The following CNTN5 variants were observed in gnomAD, a reference collection of about 807,000 sequenced individuals.
The protein encoded by CNTN5 is contactin-5.
Under a neutral mutation model 129.1 loss-of-function variants are expected in CNTN5, and 77 were observed. The ratio of observed to expected loss-of-function variants is 0.60; its 90% CI spans 0.50 to 0.72. CNTN5 has a LOEUF of 0.72. CNTN5 is among the 30% of genes least tolerant of loss of function. The pLI is 0.00. For missense variants in CNTN5, 1,478 were observed against 1,328.8 expected (o/e 1.11, Z -1.75); for synonymous variants, 509 against 465.6 (o/e 1.09, Z -1.20).
In CNTN5 at chr11:100,305,157, G is replaced by A. The variant is rs541402346; in HGVS notation, c.2621-3202G>A. Among the ~76,000 whole-genome samples the A allele has an allele frequency of 1.2e-4, 18 of 151,644 alleles. No individual in the cohort carries two copies. The South Asian group carries it at 3.1e-3, about 26-fold the overall frequency. ...TTTAAAAACAGAGGAAAGAGCATTT[G>A]AGACCCAAGTTCTAGCTTTTTCACA... is the stretch of plus-strand genomic sequence containing the variant. On this transcript the variant is annotated intron_variant, in intron 20 of 24. Coordinates refer to ENST00000524871, the MANE Select transcript of CNTN5 (RefSeq NM_014361.4).
intron 1 of CNTN5, among the ~76,000 whole-genome samples, chr11:99,224,477 G>A (rs1223859839): frequency 6.6e-6 from 1 of 151,972 alleles, no homozygotes; most frequent in Non-Finnish European, 1.5e-5. Flanking sequence ...AGTAACTTAA[G>A]TGACACTTCA....
intron 1 of CNTN5, among the ~76,000 whole-genome samples, chr11:99,319,690 A>T (rs1565488102): frequency 6.6e-6 from 1 of 152,136 alleles, no homozygotes; most frequent in Non-Finnish European, 1.5e-5. Flanking sequence ...CAGTATGTAA[A>T]TTTTTTAAAT....
chr11:99,173,848 T>C (rs945629464), intron 1 of CNTN5, among the ~76,000 whole-genome samples: 1 of 152,228 alleles, frequency 6.6e-6, no homozygotes, highest in African/African-American at 2.4e-5. Context: ...TAGGCTATTA[T>C]GGCAGCCCAG....
At chr11:99,754,704 T>C (rs1425683109) in intron 3 of CNTN5, among the ~76,000 whole-genome samples, 1 of 152,170 alleles carries the variant, frequency 6.6e-6, no homozygotes, top group Non-Finnish European at 1.5e-5. Context: ...CTCCCTATCA[T>C]TGACATCCCT....
At chr11:99,296,980 C>T (rs1864415330) in intron 1 of CNTN5, among the ~76,000 whole-genome samples, 1 of 152,110 alleles carries the variant, frequency 6.6e-6, no homozygotes, top group Non-Finnish European at 1.5e-5. Flanking sequence ...GGAATTGAAC[C>T]ATCAGTGTGA....
At chr11:99,182,622 A>G (rs1238542852) in intron 1 of CNTN5, among the ~76,000 whole-genome samples, 1 of 152,128 alleles carries the variant, frequency 6.6e-6, no homozygotes, top group Non-Finnish European at 1.5e-5. Context: ...TCCTCTGGGC[A>G]TCATCCAAGA....
At chr11:99,793,547 G>A (rs771971059) in intron 3 of CNTN5, among the ~76,000 whole-genome samples, 9 of 152,010 alleles carry the variant, frequency 5.9e-5, no homozygotes, top group Non-Finnish European at 1.0e-4. Flanking sequence ...AATTTTTCAG[G>A]GATGTGTTTC....
At chr11:100,269,651 C>A (rs532162427) in intron 17 of CNTN5, among the ~76,000 whole-genome samples, 1 of 152,070 alleles carries the variant, frequency 6.6e-6, no homozygotes, top group African/African-American at 2.4e-5. Flanking sequence ...GGGGATTTTG[C>A]TAATGACAGA....
At chr11:99,869,231 G>T (rs1948437120) in intron 6 of CNTN5, among the ~76,000 whole-genome samples, 1 of 152,138 alleles carries the variant, frequency 6.6e-6, no homozygotes, top group African/African-American at 2.4e-5. Flanking sequence ...ACCTGGGCCT[G>T]TGAATTTGGT....
rs189132720 is a variant in CNTN5 at position 99,656,913 on chromosome 11, G to A, written c.55+100644G>A. Among the ~76,000 whole-genome samples, 339 of 150,194 alleles carry A rather than the reference G, an allele frequency of 2.3e-3. 1 individual carries two copies. Among genetic ancestry groups the A allele is most frequent in the African/African-American group, 7.5e-3 (309 of 40,942 alleles). On this transcript the variant is annotated intron_variant, in intron 3 of 24. Coordinates refer to ENST00000524871, the MANE Select transcript of CNTN5 (RefSeq NM_014361.4). The stretch of plus-strand genomic sequence containing the variant: ...GTAGAAAACCCCTGTAGAAGTACAG[G>A]AGTTCAGTATCTAATTTAACCCAGA...
At chr11:99,226,121 G>A (rs1860671386) in intron 1 of CNTN5, among the ~76,000 whole-genome samples, 2 of 152,160 alleles carry the variant, frequency 1.3e-5, no homozygotes, top group African/African-American at 4.8e-5. Context: ...TGGGTAGAAT[G>A]TCTTAAGTGG....
In CNTN5 at chr11:99,031,882, C is replaced by G. The variant is rs1202968020; in HGVS notation, c.-210+10612C>G. The stretch of plus-strand genomic sequence containing the variant: ...CTGCACCCATTAACTCGTCATCTAG[C>G]ATTAGGTATATCTCCCAATGCTATC... On this transcript the variant is annotated intron_variant, in intron 1 of 24. Transcript: ENST00000524871. Among the ~76,000 whole-genome samples the G allele has an allele frequency of 6.6e-5, 10 of 150,578 alleles. No individual in the cohort carries two copies. In the South Asian group the frequency reaches 2.1e-3, roughly 32 times the overall value.
intron 3 of CNTN5, among the ~76,000 whole-genome samples, chr11:99,639,194 C>T (rs1951675311): frequency 6.6e-6 from 1 of 152,320 alleles, no homozygotes; most frequent in Admixed American, 6.5e-5. Context: ...CTGAGCTGTA[C>T]ATTGGCCTTT....
intron 1 of CNTN5, among the ~76,000 whole-genome samples, chr11:99,206,927 T>C (rs1371872433): frequency 6.6e-6 from 1 of 152,140 alleles, no homozygotes; most frequent in African/African-American, 2.4e-5. Flanking sequence ...TCTGGTTTAT[T>C]ATTTCATCAA....
intron 16 of CNTN5, among the ~76,000 whole-genome samples, chr11:100,225,613 A>G (rs12793321): frequency 6.6e-6 from 1 of 151,798 alleles, no homozygotes; most frequent in African/African-American, 2.4e-5. Context: ...TTAATGAACA[A>G]TGACAAAATA....
chr11:100,202,345 G>C (rs1436518201), intron 15 of CNTN5, among the ~76,000 whole-genome samples: 4 of 151,702 alleles, frequency 2.6e-5, no homozygotes. Context: ...GAATTTGTGA[G>C]TCAATTATTT....
At chr11:99,144,656 A>C (rs1591270092) in intron 1 of CNTN5, among the ~76,000 whole-genome samples, 2 of 152,182 alleles carry the variant, frequency 1.3e-5, no homozygotes, top group South Asian at 4.2e-4. Flanking sequence ...ATTTCAAAAC[A>C]CCTGTCTTCA....
At chr11:99,498,009 T>G (rs565661336) in intron 2 of CNTN5, among the ~76,000 whole-genome samples, 10 of 152,142 alleles carry the variant, frequency 6.6e-5, no homozygotes, top group Non-Finnish European at 1.3e-4. Context: ...ATTTTCTACA[T>G]GTTAGCTACT....
chr11:100,303,685 T>C (rs765398126), intron 20 of CNTN5, among the ~76,000 whole-genome samples: 2 of 151,634 alleles, frequency 1.3e-5, no homozygotes, highest in Non-Finnish European at 3.0e-5. Flanking sequence ...CAGAATATAA[T>C]AGACAATTAT....
Sources: allele counts gnomAD v4.1 joint callset (sites outside exome capture counted in the v4.1 genomes callset), GRCh38; gene constraint gnomAD v4.1.1; transcripts MANE v1.5; gene names NCBI Gene and HGNC (gene_info 2026-07-23, HGNC 2026-07-21).